Variants in MICAL2 observed in about 807,000 individuals in gnomAD.
MICAL2 encodes microtubule associated monooxygenase, calponin and LIM domain containing 2, also known as [F-actin]-monooxygenase MICAL2.
MICAL2 carries 77 observed loss-of-function variants against 127.3 expected under a neutral mutation model. The ratio of observed to expected loss-of-function variants is 0.60; its 90% confidence interval spans 0.50 to 0.73. The LOEUF is 0.73. Ranked by LOEUF, MICAL2 falls within the 30% of genes least tolerant of loss-of-function variation. MICAL2 has a pLI of 0.00. For synonymous variants in MICAL2, 570 were observed against 551.1 expected (o/e 1.03, Z -0.48); for missense variants, 1,351 against 1,434.4 (o/e 0.94, Z 0.94).
At chr11:12,345,381 T>C (rs1015345978) in intron 32 of MICAL2, among the ~76,000 whole-genome samples, 2 of 152,122 alleles carry the variant, frequency 1.3e-5, no homozygotes, top group African/African-American at 4.8e-5. Context: ...ATGACACCAG[T>C]TTGGTGCATA....
chr11:12,344,045 C>T (rs1054466682), intron 32 of MICAL2, among the ~76,000 whole-genome samples: 1 of 152,176 alleles, frequency 6.6e-6, no homozygotes, highest in Non-Finnish European at 1.5e-5. Context: ...CCTGCAATCC[C>T]AGCCCTTTGG....
intron 3 of MICAL2, among the ~76,000 whole-genome samples, chr11:12,181,968 G>A (rs1158295327): frequency 6.6e-6 from 1 of 152,198 alleles, no homozygotes; most frequent in Non-Finnish European, 1.5e-5. Flanking sequence ...CATCTTAGGA[G>A]TGCCTGTGAC....
At chr11:12,142,943 T>C (rs990894953) in intron 2 of MICAL2, among the ~76,000 whole-genome samples, 2 of 152,162 alleles carry the variant, frequency 1.3e-5, no homozygotes, top group African/African-American at 4.8e-5. Flanking sequence ...CAAACATTTA[T>C]CATGGGACTT....
chr11:12,171,107 A>G (rs1008514150), intron 3 of MICAL2, among the ~76,000 whole-genome samples: 69 of 152,128 alleles, frequency 4.5e-4, no homozygotes, highest in African/African-American at 1.6e-3. Flanking sequence ...CAGGGTGGGG[A>G]TGGTGGCCAC....
chr11:12,219,049 A>G (rs982708331), intron 8 of MICAL2, among the ~76,000 whole-genome samples: 1 of 152,178 alleles, frequency 6.6e-6, no homozygotes, highest in Non-Finnish European at 1.5e-5. Flanking sequence ...CTTTTTACAG[A>G]TGAGAGAGTG....
chr11:12,192,652 C>T (rs958151254), intron 3 of MICAL2, among the ~76,000 whole-genome samples: 3 of 152,236 alleles, frequency 2.0e-5, no homozygotes, highest in African/African-American at 7.2e-5. Context: ...ATGATGGGTA[C>T]CTGTAATCCC....
intron 3 of MICAL2, among the ~76,000 whole-genome samples, chr11:12,177,827 A>G (rs1856999810): frequency 6.6e-6 from 1 of 152,168 alleles, no homozygotes; most frequent in Non-Finnish European, 1.5e-5. Flanking sequence ...AATCTCAGTT[A>G]TATTTGCCTG....
At position 12,172,793 on chromosome 11, in the gene MICAL2, C is replaced by A. The variant is rs115712326; in HGVS notation, c.264+10374C>A. ...AGAACAGGAGAGGTCAGTCTCCTCC[C>A]CCTGCTAATGGTGCAAACTTCCCGA... On this transcript the variant is annotated intron_variant, in intron 3 of 27. Coordinates refer to ENST00000683283, the MANE Select transcript of MICAL2 (RefSeq NM_001282663.2). Among the ~76,000 whole-genome samples the A allele has an allele frequency of 4.8e-3, 733 of 152,152 alleles. 9 individuals are homozygous for A. The highest frequency in any genetic ancestry group is 0.017 in the African/African-American group (704 of 41,510).
At chr11:12,361,902 A>G (rs1317379662), downstream of MICAL2, among the ~76,000 whole-genome samples, 1 of 152,228 alleles carries the variant, frequency 6.6e-6, no homozygotes, top group Non-Finnish European at 1.5e-5. Context: ...AGGGGCAGTC[A>G]TTGGATGTGG....
chr11:12,221,602 G>T, intron 9 of MICAL2, 42 bp from the exon 10 acceptor site: 1 of 1,381,922 alleles, frequency 7.2e-7, no homozygotes, highest in Non-Finnish European at 1.0e-6. Flanking sequence ...TAGATCGGGA[G>T]TCATCAGAAT....
downstream of MICAL2, among the ~76,000 whole-genome samples, chr11:12,291,425 A>T (rs192903551): frequency 4.8e-4 from 73 of 152,290 alleles, no homozygotes; most frequent in African/African-American, 1.7e-3. Context: ...TGCTCTAAGC[A>T]GACTAGATGA....
At chr11:12,213,999 G>A (rs1855838050) in intron 7 of MICAL2, among the ~76,000 whole-genome samples, 1 of 152,160 alleles carries the variant, frequency 6.6e-6, no homozygotes, top group Non-Finnish European at 1.5e-5. Context: ...AATATTTATT[G>A]AATGCCTACT....
chr11:12,266,854 T>C (rs910671262), downstream of MICAL2, among the ~76,000 whole-genome samples: 3 of 152,194 alleles, frequency 2.0e-5, no homozygotes, highest in African/African-American at 4.8e-5. Flanking sequence ...GCCTCTAGTG[T>C]AGGGTTTTTC....
At chr11:12,256,675 A>T in intron 23 of MICAL2, 110 bp from the exon 24 acceptor site, 1 of 1,054,244 alleles carries the variant, frequency 9.5e-7, no homozygotes, top group Non-Finnish European at 1.3e-6. Context: ...CAGGAAGCAG[A>T]AGCCCACGAG....
rs80312138 is a variant in MICAL2, at chr11:12,163,436, C to T, written c.264+1017C>T. ...AGAGGATTGAACTCTCCATGGCAGT[C>T]GGGACTGTTGTGTTTTTGTTTTGGT... On this transcript the variant is annotated intron_variant, in intron 3 of 27. Coordinates refer to ENST00000683283, the MANE Select transcript of MICAL2 (RefSeq NM_001282663.2). 6.5e-4 allele frequency among the ~76,000 whole-genome samples: 99 copies of T among 152,294 alleles called. No homozygotes were observed. The East Asian group carries it at 0.018, about 28-fold the overall frequency.
intron 8 of MICAL2, among the ~76,000 whole-genome samples, chr11:12,219,614 T>C (rs1856593472): frequency 6.6e-6 from 1 of 150,794 alleles, no homozygotes; most frequent in Admixed American, 6.6e-5. Context: ...TTGGAAAGTG[T>C]GAGAGGTTTC....
At chr11:12,262,154 C>T (rs1037397625) in intron 26 of MICAL2, 1 of 1,201,092 alleles carries the variant, frequency 8.3e-7, no homozygotes, top group African/African-American at 1.6e-5. Context: ...GGGGTGGACC[C>T]CCGAGGATGA....
intron 3 of MICAL2, among the ~76,000 whole-genome samples, chr11:12,180,335 G>GTATATATATATATATATATATA (rs1554968135): frequency 8.7e-5 from 11 of 126,384 alleles, no homozygotes; most frequent in African/African-American, 1.7e-4. Flanking sequence ...TTATATACAT[G>GTATATATATATATATATATATA]TATATATGTA....
intron 8 of MICAL2, among the ~76,000 whole-genome samples, chr11:12,219,523 C>T (rs1385353501): frequency 9.3e-6 from 1 of 107,804 alleles, no homozygotes; most frequent in African/African-American, 4.0e-5. Flanking sequence ...AGCGAAACTC[C>T]ATCTCAAAAA....
Sources: allele counts gnomAD v4.1 joint callset (sites outside exome capture counted in the v4.1 genomes callset), GRCh38; gene constraint gnomAD v4.1.1; transcripts MANE v1.5; gene names NCBI Gene and HGNC (gene_info 2026-07-23, HGNC 2026-07-21).